CADPS2: variants seen among roughly 807,000 people sequenced by gnomAD.
The protein encoded by CADPS2 is calcium dependent secretion activator 2.
CADPS2 carries 93 observed loss-of-function variants against 172.5 expected under a neutral mutation model. The ratio of observed to expected loss-of-function variants is 0.54; its 90% confidence interval spans 0.46 to 0.64. The LOEUF (loss-of-function observed/expected upper bound fraction) is 0.64, where lower values mean the gene tolerates loss of function less well. CADPS2 is among the 30% of genes least tolerant of loss of function. The probability of loss-of-function intolerance (pLI) is 0.00; values close to 1 mark genes in which losing one functional copy is unlikely to be tolerated. For missense variants in CADPS2, 1,420 were observed against 1,565.9 expected, an observed-to-expected ratio of 0.91 and a Z score of 1.57; for synonymous variants, 546 against 555.2, an observed-to-expected ratio of 0.98 and a Z score of 0.23.
intron 3 of CADPS2, among the ~76,000 whole-genome samples, chr7:122,660,528 C>A (rs2080407982): frequency 6.6e-6 from 1 of 151,812 alleles, no homozygotes; most frequent in Admixed American, 6.6e-5. Flanking sequence ...AAAATTTAAT[C>A]CAACTACATT....
chr7:122,715,544 T>C (rs1052421321), intron 2 of CADPS2, among the ~76,000 whole-genome samples: 2 of 152,096 alleles, frequency 1.3e-5, no homozygotes, highest in Admixed American at 6.6e-5. Context: ...TTCTGTACAC[T>C]GTCCAAACAG....
chr7:122,734,168 A>C (rs2091923573), intron 2 of CADPS2, among the ~76,000 whole-genome samples: 1 of 151,096 alleles, frequency 6.6e-6, no homozygotes, highest in Non-Finnish European at 1.5e-5. Flanking sequence ...AAGTCACTTA[A>C]CTTCATGAGT....
At chr7:122,745,807 T>C (rs1490509190) in intron 1 of CADPS2, among the ~76,000 whole-genome samples, 1 of 152,056 alleles carries the variant, frequency 6.6e-6, no homozygotes, top group Non-Finnish European at 1.5e-5. Context: ...CGGTTTATCA[T>C]GCAATAATAA....
At chr7:122,450,843 A>AT (rs1473623212) in intron 15 of CADPS2, among the ~76,000 whole-genome samples, 1 of 152,056 alleles carries the variant, frequency 6.6e-6, no homozygotes, top group Non-Finnish European at 1.5e-5. Context: ...CTGATAGCTA[A>AT]TTTTTTGAGC....
intron 1 of CADPS2, among the ~76,000 whole-genome samples, chr7:122,775,254 A>G (rs1438684508): frequency 1.3e-5 from 2 of 152,220 alleles, no homozygotes; most frequent in African/African-American, 4.8e-5. Context: ...TTTGCAAGAT[A>G]ACAAATTAGT....
At chr7:122,473,275 C>T (rs1307587870) in intron 13 of CADPS2, among the ~76,000 whole-genome samples, 1 of 152,168 alleles carries the variant, frequency 6.6e-6, no homozygotes, top group Non-Finnish European at 1.5e-5. Context: ...CTGTACCTTA[C>T]TTCTGTTTTC....
chr7:122,694,741 T>A (rs1017446408), intron 2 of CADPS2, among the ~76,000 whole-genome samples: 1 of 152,214 alleles, frequency 6.6e-6, no homozygotes, highest in Non-Finnish European at 1.5e-5. Flanking sequence ...TTATTTTTCA[T>A]CATTAAGAAC....
chr7:122,487,251 C>T (rs2057909384), intron 11 of CADPS2, among the ~76,000 whole-genome samples: 1 of 151,760 alleles, frequency 6.6e-6, no homozygotes, highest in African/African-American at 2.4e-5. Context: ...CTGAAGAGAT[C>T]CCCCCCACCT....
intron 6 of CADPS2, among the ~76,000 whole-genome samples, chr7:122,596,223 G>T (rs776226172): frequency 1.1e-4 from 16 of 152,096 alleles, no homozygotes; most frequent in Non-Finnish European, 1.9e-4. Flanking sequence ...AGGCTTTTAA[G>T]CTCAAGAACA....
intron 9 of CADPS2, among the ~76,000 whole-genome samples, chr7:122,508,097 A>T (rs1318544670): frequency 6.6e-6 from 1 of 152,150 alleles, no homozygotes; most frequent in Admixed American, 6.6e-5. Context: ...ATATAAAGAC[A>T]TATATATGCA....
chr7:122,346,281 T>C (rs1407578813), intron 27 of CADPS2, among the ~76,000 whole-genome samples: 2 of 152,092 alleles, frequency 1.3e-5, no homozygotes, highest in Non-Finnish European at 2.9e-5. Flanking sequence ...GGCAGGAGAA[T>C]TGCTTGAGCA....
At chr7:122,354,749 G>T (rs2039149319) in intron 27 of CADPS2, among the ~76,000 whole-genome samples, 1 of 152,038 alleles carries the variant, frequency 6.6e-6, no homozygotes. Flanking sequence ...CCTAGTCCAG[G>T]TCTTGCTTTT....
intron 1 of CADPS2, among the ~76,000 whole-genome samples, chr7:122,855,363 C>A (rs1296879275): frequency 2.0e-5 from 3 of 152,088 alleles, no homozygotes; most frequent in African/African-American, 7.2e-5. Context: ...AAGGTACATA[C>A]AGAGAAAGGT....
At chr7:122,765,783 C>T (rs2093530149) in intron 1 of CADPS2, among the ~76,000 whole-genome samples, 1 of 152,056 alleles carries the variant, frequency 6.6e-6, no homozygotes, top group Non-Finnish European at 1.5e-5. Context: ...ATTTTTATCT[C>T]TATTTTATAG....
intron 20 of CADPS2, among the ~76,000 whole-genome samples, chr7:122,403,442 G>A (rs941841867): frequency 3.9e-5 from 6 of 152,172 alleles, no homozygotes; most frequent in Non-Finnish European, 1.5e-5. Context: ...CCTCAAAACT[G>A]AGTGCTCAAA....
chr7:122,843,334 C>T (rs1018877638), intron 1 of CADPS2, among the ~76,000 whole-genome samples: 1 of 151,744 alleles, frequency 6.6e-6, no homozygotes, highest in South Asian at 2.1e-4. Context: ...CTTAATTACA[C>T]TTATATCTGC....
chr7:122,842,927 C>T (rs1001656800), intron 1 of CADPS2, among the ~76,000 whole-genome samples: 4 of 152,104 alleles, frequency 2.6e-5, no homozygotes. Flanking sequence ...AGGGAGCCTT[C>T]AAAGCCTTTC....
intron 2 of CADPS2, among the ~76,000 whole-genome samples, chr7:122,724,213 A>T (rs1335137437): frequency 1.3e-5 from 2 of 151,870 alleles, no homozygotes; most frequent in Non-Finnish European, 2.9e-5. Flanking sequence ...AATAAAATAA[A>T]AATAAATCTG....
In CADPS2 at chr7:122,811,309, A is replaced by G. The variant is rs559799497; in HGVS notation, c.340-74241T>C. ...GTAAGTAGCATATGGCTGCCTTCCAAGTTAATCTGGAGGGGTGATTAACTT... is the reference window on the plus strand; with the variant it reads ...GTAAGTAGCATATGGCTGCCTTCCAGGTTAATCTGGAGGGGTGATTAACTT... On this transcript the variant is annotated intron_variant, in intron 1 of 29. Coordinates refer to ENST00000449022, the MANE Select transcript of CADPS2 (RefSeq NM_017954.11). 1.4e-4 allele frequency among the ~76,000 whole-genome samples: 21 copies of G among 152,290 alleles called. 1 individual carries two copies. The South Asian group carries it at 4.1e-3, about 30-fold the overall frequency.
Sources: gnomAD v4.1 joint callset for allele counts (sites outside exome capture counted in the v4.1 genomes callset) on GRCh38, gnomAD v4.1.1 for gene constraint, MANE v1.5 for transcripts, NCBI Gene and HGNC (gene_info 2026-07-23, HGNC 2026-07-21) for gene names.